Variants in IL1A observed in about 807,000 individuals in gnomAD.
The protein encoded by IL1A is interleukin-1 alpha.
In IL1A, 16 loss-of-function variants were observed where a neutral mutation model predicts 22.2. The ratio of observed to expected loss-of-function variants is 0.72; its 90% CI spans 0.49 to 1.09. The LOEUF is 1.09. Among genes scored for constraint, IL1A ranks in the 50% least tolerant of loss-of-function variants. The pLI is 0.00. For synonymous variants in IL1A, 113 were observed against 118.5 expected (o/e 0.95, Z 0.30); for missense variants, 317 against 321.8 (o/e 0.99, Z 0.11).
In IL1A at chr2:112,775,034, C is replaced by T. The variant is rs768438712; in HGVS notation, c.*33G>A. 33 of 1,555,838 alleles carry T rather than the reference C, an allele frequency of 2.1e-5. No individual in the cohort carries two copies. Among genetic ancestry groups the T allele is most frequent in the Admixed American group, 3.3e-5 (2 of 59,862 alleles). On this transcript the variant is annotated 3_prime_UTR_variant, in exon 7 of 7. Coordinates refer to ENST00000263339, the MANE Select transcript of IL1A (RefSeq NM_000575.5). ...GTACATGGTACATATGAACTGTCAA[C>T]ACTGCACAAGTGAGACAAGTGAGAC...
intron 3 of IL1A, among the ~76,000 whole-genome samples, 190 bp from the exon 4 acceptor site, chr2:112,782,016 A>G (rs550208172): frequency 1.3e-5 from 2 of 152,170 alleles, no homozygotes; most frequent in African/African-American, 4.8e-5. Flanking sequence ...CAGGATAAAA[A>G]GATGATTTTT....
At chr2:112,783,881 T>TG in intron 1 of IL1A, 103 bp from the exon 2 acceptor site, 1 of 964,018 alleles carries the variant, frequency 1.0e-6, no homozygotes, top group Admixed American at 1.7e-5. Context: ...CTTTGTTGAA[T>TG]GACTTAGTCC....
chr2:112,781,617 A>G lies in IL1A; in HGVS notation c.306T>C (p.Asn102=). ...ITDDDLEAIA[N]DSEEEIIKPR... is the part of the protein sequence containing the mutation. ...TTGACCCCTTACCTTCCTCTGAGTCATTGGCGATGGCCTCCAGGTCATCAT... is the reference window on the plus strand; with the variant it reads ...TTGACCCCTTACCTTCCTCTGAGTCGTTGGCGATGGCCTCCAGGTCATCAT... The change falls in exon 4 of 7, where the codon AAT becomes AAC. Residue 102 remains asparagine, a synonymous_variant. Coordinates refer to ENST00000263339, the MANE Select transcript of IL1A (RefSeq NM_000575.5). 2 of 1,613,864 alleles carry G rather than the reference A, an allele frequency of 1.2e-6. No homozygotes were observed. Among genetic ancestry groups the G allele is most frequent in the Non-Finnish European group, 1.7e-6 (2 of 1,179,728 alleles).
At position 112,779,599 on chromosome 2, in the gene IL1A, G is replaced by C. The variant is rs370144723; in HGVS notation, c.387C>G (p.Ile129Met). ...LSNVKYNFMRIIKYEFILNDA... is the reference protein window; with the variant it reads ...LSNVKYNFMRMIKYEFILNDA... The stretch of plus-strand genomic sequence containing the variant: ...CATTCAGGATGAATTCGTATTTGAT[G>C]ATCCTCATAAAGTTGTATTTCACAT... The change falls in exon 5 of 7, where the codon ATC becomes ATG. Residue 129 changes from isoleucine to methionine, a missense_variant. By Grantham distance (10) the Ile-to-Met change is conservative (BLOSUM62 1). Transcript: ENST00000263339. 7 of 1,612,922 alleles carry C rather than the reference G, an allele frequency of 4.3e-6. No individual in the cohort carries two copies. In the African/African-American group the frequency reaches 8.0e-5, roughly 18 times the overall value.
rs1207232108 is a variant in IL1A, at chr2:112,778,204, G to A, written c.491-93C>T. 4.8e-5 allele frequency: 40 copies of A among 837,334 alleles called. No individual in the cohort carries two copies. The African/African-American group carries it at 5.8e-4, about 12-fold the overall frequency. 51.9% of individuals were successfully genotyped at this position (837,334 alleles called of 1,614,324 possible). A position where few individuals can be genotyped will look rare whatever the true frequency, so the allele number is the denominator to read the frequency against. On this transcript the variant is annotated intron_variant, in intron 5 of 6. Coordinates refer to ENST00000263339, the MANE Select transcript of IL1A (RefSeq NM_000575.5). ...GATTGTGTGTGCATGGTGTGTGTGT[G>A]TGTGTGTGTGTGTGTGTGTGTGTGT...
At position 112,781,682 on chromosome 2, in the gene IL1A, G is replaced by A; in HGVS notation, c.241C>T (p.Leu81=). Residue 81 remains leucine, a synonymous_variant, in exon 4 of 7, where the codon CTG becomes TTG. Transcript: ENST00000263339. ...CTTAAACTCAACCGTCTCTTCTTCA[G>A]AACCTTCCCGTTGGTTGCTACTACC... ...MVVVATNGKV[L]KKRRLSLSQS... 1 of 1,614,210 alleles carries A rather than the reference G, an allele frequency of 6.2e-7. No homozygotes were observed. The highest frequency in any genetic ancestry group is 8.5e-7 in the Non-Finnish European group (1 of 1,180,034).
At chr2:112,783,895 T>G in intron 1 of IL1A, 117 bp from the exon 2 acceptor site, 1 of 842,964 alleles carries the variant, frequency 1.2e-6, no homozygotes. Context: ...TTAGTCCACA[T>G]TCAGCATTTT....
chr2:112,782,898 G>T, intron 2 of IL1A, 134 bp from the exon 3 acceptor site: 1 of 644,058 alleles, frequency 1.6e-6, no homozygotes, highest in Non-Finnish European at 2.8e-6. Context: ...GAAATTTAAG[G>T]ACTTCTACAC....
In IL1A at chr2:112,778,007, C is replaced by T; in HGVS notation, c.595G>A (p.Asp199Asn). The T allele has an allele frequency of 6.2e-6, 10 of 1,614,138 alleles. No homozygotes were observed. The highest frequency in any genetic ancestry group is 8.5e-6 in the Non-Finnish European group (10 of 1,180,012). The change falls in exon 6 of 7, where the codon GAC (aspartate) becomes AAC (asparagine). Residue 199 changes from aspartate (D) to asparagine (N), a missense_variant. Physicochemically the swap from Asp to Asn is conservative, Grantham distance 23. Transcript: ENST00000263339. The part of the protein sequence containing the change: ...TQLYVTAQDE[D>N]QPVLLKEMPE... The stretch of plus-strand genomic sequence containing the variant: ...CTGACCTTCAGCAGCACTGGTTGGT[C>T]TTCATCTTGGGCAGTCACATACAAT...
In IL1A at chr2:112,781,547, C is replaced by G. The variant is rs1315279583; in HGVS notation, c.319+57G>C. 10 of 1,323,760 alleles carry G rather than the reference C, an allele frequency of 7.6e-6. No homozygotes were observed. In the East Asian group the frequency reaches 2.3e-4, roughly 30 times the overall value. The allele number at this position is 1,323,760 out of a possible 1,614,324, so 82.0% of individuals were successfully genotyped here. A position where few individuals can be genotyped will look rare whatever the true frequency, so the allele number is the denominator to read the frequency against. ...ACGTTTAATTTTCCCCTAAATTCTA[C>G]TGTCCCTACTTGCTTAAAACTGTAA... is the stretch of plus-strand genomic sequence containing the variant. On this transcript the variant is annotated intron_variant, in intron 4 of 6. Coordinates refer to ENST00000263339, the MANE Select transcript of IL1A (RefSeq NM_000575.5).
chr2:112,782,700 A>C lies in IL1A; in HGVS notation c.96+16T>G. 1 of 1,570,976 alleles carries C rather than the reference A, an allele frequency of 6.4e-7. No homozygotes were observed. Among genetic ancestry groups the C allele is most frequent in the Middle Eastern group, 1.7e-4 (1 of 5,990 alleles). ...TAAGAATAGCAGTCCCATGAGAATT[A>C]CAGTCATTTGCTTACCTGATTCAGA... is the stretch of plus-strand genomic sequence containing the variant. On this transcript the variant is annotated intron_variant, in intron 3 of 6. Transcript: ENST00000263339.
intron 4 of IL1A, among the ~76,000 whole-genome samples, chr2:112,780,765 C>T (rs1209064756): frequency 6.6e-6 from 1 of 152,036 alleles, no homozygotes; most frequent in East Asian, 1.9e-4. Context: ...AGGCCGGGCG[C>T]GGTGGCTCAC....
chr2:112,784,223 G>A (rs1271512960), intron 1 of IL1A, among the ~76,000 whole-genome samples: 1 of 152,218 alleles, frequency 6.6e-6, no homozygotes, highest in East Asian at 1.9e-4. Context: ...TAGGAAACTA[G>A]TTCTGCTGTC....
intron 4 of IL1A, among the ~76,000 whole-genome samples, chr2:112,780,734 A>G: frequency 1.3e-5 from 1 of 77,320 alleles, no homozygotes; most frequent in Admixed American, 1.1e-4. Flanking sequence ...TAGTAGTAGT[A>G]GTAATAATAA....
At chr2:112,781,143 A>G (rs557633549) in intron 4 of IL1A, among the ~76,000 whole-genome samples, 1 of 152,304 alleles carries the variant, frequency 6.6e-6, no homozygotes, top group South Asian at 2.1e-4. Flanking sequence ...TAATCTTTAT[A>G]ACAGTCAGGA....
rs1681211754 is a variant in IL1A at position 112,781,819 on chromosome 2, A to G, written c.104T>C (p.Phe35Ser). Residue 35 changes from phenylalanine to serine, a missense_variant, in exon 4 of 7, where the codon TTC becomes TCC. Physicochemically the swap from Phe to Ser is radical, Grantham distance 155 (BLOSUM62 -2). Coordinates refer to ENST00000263339, the MANE Select transcript of IL1A (RefSeq NM_000575.5). The part of the protein sequence containing the change: ...IDHLSLNQKS[F>S]YHVSYGPLHE... ...GAGTGGGCCATAGCTTACATGATAG[A>G]AGGATTTCTGTGAGGAAGGAAAACA... 1.9e-6 allele frequency: 3 copies of G among 1,612,566 alleles called. No homozygotes were observed. The South Asian group carries it at 3.3e-5, about 18-fold the overall frequency.
In IL1A at chr2:112,781,615, T is replaced by C; in HGVS notation, c.308A>G (p.Asp103Gly). ...TDDDLEAIANDSEEEIIKPRS... is the reference protein window; with the variant it reads ...TDDDLEAIANGSEEEIIKPRS... ...GCTTGACCCCTTACCTTCCTCTGAG[T>C]CATTGGCGATGGCCTCCAGGTCATC... The change falls in exon 4 of 7, where the codon GAC becomes GGC. Residue 103 changes from aspartate (D) to glycine (G), a missense_variant. Physicochemically the swap from Asp to Gly is moderately conservative, Grantham distance 94 (BLOSUM62 -1). Coordinates refer to ENST00000263339, the MANE Select transcript of IL1A (RefSeq NM_000575.5). The C allele has an allele frequency of 6.2e-7, 1 of 1,613,576 alleles. No individual in the cohort carries two copies. The highest frequency in any genetic ancestry group is 1.1e-5 in the South Asian group (1 of 91,074).
chr2:112,777,124 G>A (rs778878348), intron 6 of IL1A, among the ~76,000 whole-genome samples: 1 of 147,092 alleles, frequency 6.8e-6, no homozygotes, highest in Admixed American at 6.8e-5. Flanking sequence ...TTTTTTTGCA[G>A]CATCTTGCTC....
chr2:112,779,355 G>T, intron 5 of IL1A, 141 bp downstream of exon 5: 2 of 592,946 alleles, frequency 3.4e-6, no homozygotes, highest in Non-Finnish European at 2.8e-6. Context: ...GGGGTGCTGT[G>T]CTTCAAGCTA....
Sources: gnomAD v4.1 joint callset for allele counts (sites outside exome capture counted in the v4.1 genomes callset) on GRCh38, gnomAD v4.1.1 for gene constraint, MANE v1.5 for transcripts, NCBI Gene and HGNC (gene_info 2026-07-23, HGNC 2026-07-21) for gene names.